The following FSTL5 variants were observed in gnomAD, a reference collection of about 807,000 sequenced individuals.
FSTL5 encodes follistatin-related protein 5.
FSTL5 carries 62 observed loss-of-function variants against 89.1 expected under a neutral mutation model. That is an observed-to-expected ratio of 0.70 (90% CI 0.57 to 0.86). FSTL5 has a LOEUF of 0.86. FSTL5 is among the 40% of genes least tolerant of loss of function. The pLI is 0.00. For missense variants in FSTL5, 1,057 were observed against 1,001.6 expected, an observed-to-expected ratio of 1.06 and a Z score of -0.75; for synonymous variants, 383 against 346.2, an observed-to-expected ratio of 1.11 and a Z score of -1.18.
At chr4:161,587,887 G>T (rs1733670922) in intron 7 of FSTL5, among the ~76,000 whole-genome samples, 1 of 152,042 alleles carries the variant, frequency 6.6e-6, no homozygotes, top group Non-Finnish European at 1.5e-5. Context: ...TTTAAGATTA[G>T]AACAGGCCAG....
chr4:161,846,253 T>C lies in FSTL5; in HGVS notation c.410-70179A>G. 1.3e-5 allele frequency among the ~76,000 whole-genome samples: 2 copies of C among 152,234 alleles called. 1 individual carries two copies. Among genetic ancestry groups the C allele is most frequent in the South Asian group, 4.1e-4 (2 of 4,830 alleles). On this transcript the variant is annotated intron_variant, in intron 4 of 15. Transcript: ENST00000306100. The stretch of plus-strand genomic sequence containing the variant: ...ATAAATGTGTGTATTTATATACATA[T>C]TTGTATTTTCATAGTGTCTTCTTTG...
chr4:161,606,379 C>A (rs917443328), intron 7 of FSTL5, among the ~76,000 whole-genome samples: 1 of 151,322 alleles, frequency 6.6e-6, no homozygotes, highest in South Asian at 2.1e-4. Flanking sequence ...TCCTGAGTAG[C>A]TGGGACTACA....
intron 1 of FSTL5, 27 bp from the exon 2 acceptor site, chr4:162,111,439 C>T (rs1731440026): frequency 6.5e-7 from 1 of 1,538,862 alleles, no homozygotes. Context: ...TGCAAGGAAT[C>T]AGAGAAAATG....
intron 4 of FSTL5, among the ~76,000 whole-genome samples, chr4:161,780,507 C>T (rs1034589246): frequency 3.3e-5 from 5 of 152,130 alleles, no homozygotes; most frequent in Non-Finnish European, 2.9e-5. Context: ...AAAGAATATA[C>T]TAGTGAAAAT....
At chr4:162,011,106 TC>T (rs1327597617) in intron 3 of FSTL5, among the ~76,000 whole-genome samples, 1 of 152,112 alleles carries the variant, frequency 6.6e-6, no homozygotes, top group Non-Finnish European at 1.5e-5. Flanking sequence ...TTTATTTGCC[TC>T]TAATTGTTAG....
At chr4:161,628,889 A>G (rs900481177) in intron 7 of FSTL5, among the ~76,000 whole-genome samples, 3 of 152,146 alleles carry the variant, frequency 2.0e-5, no homozygotes, top group African/African-American at 7.2e-5. Context: ...AGGTCTGTAT[A>G]TTTTATTAAT....
At chr4:161,564,956 A>G (rs2126576449) in intron 8 of FSTL5, among the ~76,000 whole-genome samples, 1 of 152,082 alleles carries the variant, frequency 6.6e-6, no homozygotes, top group Non-Finnish European at 1.5e-5. Context: ...TTTTCTATTG[A>G]TAATATTTTA....
At chr4:162,142,458 G>A (rs1046344523) in intron 1 of FSTL5, among the ~76,000 whole-genome samples, 3 of 151,974 alleles carry the variant, frequency 2.0e-5, no homozygotes, top group African/African-American at 4.8e-5. Context: ...TTGAGACAGT[G>A]GATAGAGACA....
chr4:161,505,974 G>T (rs1004624619), intron 11 of FSTL5, among the ~76,000 whole-genome samples: 1 of 151,992 alleles, frequency 6.6e-6, no homozygotes, highest in Non-Finnish European at 1.5e-5. Flanking sequence ...TCCCCCCAAT[G>T]CCATGACTAA....
intron 10 of FSTL5, among the ~76,000 whole-genome samples, chr4:161,511,522 A>G (rs530959118): frequency 6.6e-5 from 10 of 152,144 alleles, no homozygotes; most frequent in East Asian, 1.9e-4. Flanking sequence ...ACAAATACGA[A>G]AAAAGTATAA....
chr4:161,405,480 A>C (rs60372277), intron 15 of FSTL5, among the ~76,000 whole-genome samples: 16,570 of 152,164 alleles, frequency 0.11, 895 homozygotes, highest in Non-Finnish European at 0.12. Context: ...AAAGAATCAG[A>C]AAATTTGCAG....
At chr4:162,118,673 T>G (rs1487985472) in intron 1 of FSTL5, among the ~76,000 whole-genome samples, 3 of 152,208 alleles carry the variant, frequency 2.0e-5, no homozygotes, top group Non-Finnish European at 4.4e-5. Flanking sequence ...GCAAATACTT[T>G]TTCTAACTAG....
At chr4:161,743,658 C>A (rs1024106097) in intron 6 of FSTL5, among the ~76,000 whole-genome samples, 3 of 151,956 alleles carry the variant, frequency 2.0e-5, no homozygotes, top group African/African-American at 7.2e-5. Context: ...TTTAACAATA[C>A]TAAGTCTTGC....
chr4:161,680,510 T>A (rs1737478421), intron 6 of FSTL5, among the ~76,000 whole-genome samples: 1 of 151,864 alleles, frequency 6.6e-6, no homozygotes. Flanking sequence ...TTAACTTTTC[T>A]CTTTTTGTTC....
intron 4 of FSTL5, among the ~76,000 whole-genome samples, chr4:161,820,989 A>G (rs1730475909): frequency 2.0e-5 from 3 of 150,226 alleles, no homozygotes; most frequent in South Asian, 2.1e-4. Context: ...AAAAATGTAT[A>G]TATTTGTACA....
chr4:161,489,675 A>G (rs530042629), intron 12 of FSTL5, among the ~76,000 whole-genome samples: 1 of 152,280 alleles, frequency 6.6e-6, no homozygotes, highest in East Asian at 1.9e-4. Flanking sequence ...GAAAAAAATT[A>G]AAACTAAAGA....
chr4:161,735,914 A>G (rs1056031349), intron 6 of FSTL5, among the ~76,000 whole-genome samples: 7 of 152,148 alleles, frequency 4.6e-5, no homozygotes, highest in African/African-American at 1.4e-4. Flanking sequence ...GAATGGATTA[A>G]TCAAAACAAC....
At chr4:161,495,544 A>G (rs1279172904) in intron 12 of FSTL5, 1 of 152,144 alleles carries the variant, frequency 6.6e-6, no homozygotes, top group Non-Finnish European at 1.5e-5. Flanking sequence ...ATAAAAGATG[A>G]AAAATAGCTA....
intron 13 of FSTL5, among the ~76,000 whole-genome samples, chr4:161,475,751 C>T (rs2126443459): frequency 6.6e-6 from 1 of 151,420 alleles, no homozygotes; most frequent in South Asian, 2.1e-4. Flanking sequence ...TCTGTTGATT[C>T]TGTTTTCCTT....
Sources: gnomAD v4.1 joint callset for allele counts (sites outside exome capture counted in the v4.1 genomes callset) on GRCh38, gnomAD v4.1.1 for gene constraint, MANE v1.5 for transcripts, NCBI Gene and HGNC (gene_info 2026-07-23, HGNC 2026-07-21) for gene names.